The following STARD13 variants were observed in gnomAD, a reference collection of about 807,000 sequenced individuals.
STARD13 encodes StAR related lipid transfer domain containing 13.
A neutral mutation model predicts 106.4 loss-of-function variants in STARD13; 62 were observed. The ratio of observed to expected loss-of-function variants is 0.58; its 90% confidence interval spans 0.48 to 0.72. The LOEUF (loss-of-function observed/expected upper bound fraction) is 0.72. Among genes scored for constraint, STARD13 ranks in the 30% least tolerant of loss-of-function variants. STARD13 has a pLI of 0.00. For synonymous variants in STARD13, 565 were observed against 553.0 expected (o/e 1.02, Z -0.31); for missense variants, 1,387 against 1,424.0 (o/e 0.97, Z 0.42).
chr13:33,423,218 A>C, the STARD13 span, among the ~76,000 whole-genome samples: 1 of 152,218 alleles, frequency 6.6e-6, no homozygotes, highest in Non-Finnish European at 1.5e-5. Flanking sequence ...AATATCCAGA[A>C]TCTACAAAGA....
chr13:33,586,182 T>C, the STARD13 span, among the ~76,000 whole-genome samples: 1 of 152,236 alleles, frequency 6.6e-6, no homozygotes, highest in African/African-American at 2.4e-5. Flanking sequence ...TGCTCCTTGA[T>C]TTTTGTGTAT....
At chr13:33,138,584 G>A (rs572412600) in intron 4 of STARD13, 4 of 204,988 alleles carry the variant, frequency 2.0e-5, no homozygotes, top group South Asian at 6.9e-5. Context: ...GCTGCAAAAG[G>A]CAACGCATCC....
At chr13:33,273,000 C>T (rs1395371631) in intron 1 of STARD13, 1 of 152,212 alleles carries the variant, frequency 6.6e-6, no homozygotes, top group East Asian at 1.9e-4. Context: ...CAGCTGCATG[C>T]CGCCAAGTTT....
At chr13:33,303,868 TG>T (rs941581581) in intron 1 of STARD13, among the ~76,000 whole-genome samples, 3 of 152,156 alleles carry the variant, frequency 2.0e-5, no homozygotes, top group Non-Finnish European at 4.4e-5. Flanking sequence ...CCTAGGACCC[TG>T]GGGCAGCAGG....
chr13:33,545,689 A>C, the STARD13 span, among the ~76,000 whole-genome samples: 1 of 152,296 alleles, frequency 6.6e-6, no homozygotes, highest in African/African-American at 2.4e-5. Flanking sequence ...GTTTTCTATT[A>C]GTTGCTGTCA....
chr13:33,652,046 G>A, the STARD13 span, among the ~76,000 whole-genome samples: 3 of 152,228 alleles, frequency 2.0e-5, no homozygotes, highest in African/African-American at 7.2e-5. Context: ...GAACTGCCCA[G>A]TTGGTCTCTG....
At chr13:33,567,773 T>C in the STARD13 span, among the ~76,000 whole-genome samples, 21 of 148,084 alleles carry the variant, frequency 1.4e-4, 1 homozygote, top group Admixed American at 6.9e-5. Flanking sequence ...AGTATACTTA[T>C]TGAAACACTT....
chr13:33,444,654 GCC>G, the STARD13 span, among the ~76,000 whole-genome samples: 11 of 152,084 alleles, frequency 7.2e-5, no homozygotes, highest in African/African-American at 2.7e-4. Context: ...TGTAATCCCA[GCC>G]ACTAGAGAGA....
At chr13:33,524,298 G>A in the STARD13 span, 1 of 1,276,994 alleles carries the variant, frequency 7.8e-7, no homozygotes, top group Admixed American at 2.4e-5. Flanking sequence ...GATTCTGGAT[G>A]TTTGCAGTTT....
At chr13:33,165,495 C>A in intron 2 of STARD13, 77 bp from the exon 3 acceptor site, 2 of 1,073,844 alleles carry the variant, frequency 1.9e-6, no homozygotes, top group South Asian at 2.7e-5. Flanking sequence ...CCTTCAAGGT[C>A]TGTAAAAGCC....
At chr13:33,399,625 C>G in the STARD13 span, among the ~76,000 whole-genome samples, 1 of 134,748 alleles carries the variant, frequency 7.4e-6, no homozygotes, top group Admixed American at 8.5e-5. Context: ...GGCATGAACC[C>G]GGGAGGTGGA....
intron 1 of STARD13, among the ~76,000 whole-genome samples, chr13:33,291,257 T>C (rs1892280716): frequency 6.6e-6 from 1 of 152,246 alleles, no homozygotes; most frequent in Admixed American, 6.5e-5. Context: ...AATCTATGCT[T>C]TCTTCCACAA....
intron 1 of STARD13, among the ~76,000 whole-genome samples, chr13:33,227,152 C>T (rs1413524913): frequency 6.6e-6 from 1 of 152,220 alleles, no homozygotes; most frequent in African/African-American, 2.4e-5. Flanking sequence ...TCATCTACAA[C>T]CTGCGAGCTT....
the STARD13 span, among the ~76,000 whole-genome samples, chr13:33,446,966 A>G: frequency 6.6e-6 from 1 of 152,232 alleles, no homozygotes; most frequent in African/African-American, 2.4e-5. Context: ...TAGTTTACAT[A>G]AAGAGGCTAC....
chr13:33,639,021 T>C, the STARD13 span, among the ~76,000 whole-genome samples: 1 of 152,296 alleles, frequency 6.6e-6, no homozygotes, highest in Admixed American at 6.5e-5. Flanking sequence ...CAGACATTTT[T>C]CTAGGGGCTG....
chr13:33,306,826 T>C (rs1892923215), intron 1 of STARD13, among the ~76,000 whole-genome samples: 1 of 152,112 alleles, frequency 6.6e-6, no homozygotes, highest in Non-Finnish European at 1.5e-5. Context: ...GGTACATGCC[T>C]GCAGTCCCAG....
chr13:33,139,323 CA>C (rs1566018097), intron 4 of STARD13, among the ~76,000 whole-genome samples: 1 of 152,236 alleles, frequency 6.6e-6, no homozygotes, highest in Non-Finnish European at 1.5e-5. Flanking sequence ...TGGCTTTGGG[CA>C]AGTGCCAAGC....
chr13:33,106,654 C>G, intron 13 of STARD13, 104 bp downstream of exon 13: 10 of 1,134,490 alleles, frequency 8.8e-6, no homozygotes, highest in Non-Finnish European at 1.2e-5. Flanking sequence ...AATGAGGAAA[C>G]AAATACAGTG....
chr13:33,140,499 G>A (rs1345029576), intron 4 of STARD13, among the ~76,000 whole-genome samples: 1 of 152,148 alleles, frequency 6.6e-6, no homozygotes, highest in African/African-American at 2.4e-5. Flanking sequence ...TGGACAAACT[G>A]CTCATGTTTT....
Sources: allele counts gnomAD v4.1 joint callset (sites outside exome capture counted in the v4.1 genomes callset), GRCh38; gene constraint gnomAD v4.1.1; transcripts MANE v1.5; gene names NCBI Gene and HGNC (gene_info 2026-07-23, HGNC 2026-07-21).